The following HHIPL1 variants were observed in gnomAD, a reference collection of about 807,000 sequenced individuals.
HHIPL1 encodes HHIP-like protein 1.
Under a neutral mutation model 61.8 loss-of-function variants are expected in HHIPL1, and 43 were observed. The ratio of observed to expected loss-of-function variants is 0.70; its 90% CI spans 0.55 to 0.90. HHIPL1 has a LOEUF of 0.90. HHIPL1 is among the 40% of genes least tolerant of loss of function. The pLI is 0.00. For synonymous variants in HHIPL1, 482 were observed against 515.8 expected (o/e 0.93, Z 0.89); for missense variants, 1,056 against 1,157.7 (o/e 0.91, Z 1.28).
chr14:99,653,406 C>T (rs1344464468), intron 2 of HHIPL1, among the ~76,000 whole-genome samples: 1 of 152,184 alleles, frequency 6.6e-6, no homozygotes, highest in Non-Finnish European at 1.5e-5. Context: ...AATCGCAGCT[C>T]ACTGCAACCT....
chr14:99,632,783 C>T, the HHIPL1 span, among the ~76,000 whole-genome samples: 1 of 152,200 alleles, frequency 6.6e-6, no homozygotes, highest in Non-Finnish European at 1.5e-5. Flanking sequence ...TCACCTCAGC[C>T]TATCACGTCC....
chr14:99,647,524 C>G (rs2055860838), intron 1 of HHIPL1, among the ~76,000 whole-genome samples: 1 of 152,224 alleles, frequency 6.6e-6, no homozygotes, highest in African/African-American at 2.4e-5. Context: ...CCCAGGACAG[C>G]CTGGCTTTAA....
chr14:99,652,157 G>A lies in HHIPL1; in HGVS notation c.256-67G>A, dbSNP rs558128699. ...TGAGGCTCTGAGAGATGGGGGACCC[G>A]CCCAAGGTAACCTTGGGCTGGTAAG... On this transcript the variant is annotated intron_variant, in intron 1 of 8. Transcript: ENST00000330710. 56 of 1,473,234 alleles carry A rather than the reference G, an allele frequency of 3.8e-5. No individual in the cohort carries two copies. In the African/African-American group the frequency reaches 6.7e-4, roughly 18 times the overall value. The allele number at this position is 1,473,234 out of a possible 1,614,324, so 91.3% of individuals were successfully genotyped here.
intron 1 of HHIPL1, among the ~76,000 whole-genome samples, chr14:99,645,716 AC>A (rs1227706172): frequency 6.6e-6 from 1 of 152,208 alleles, no homozygotes; most frequent in Non-Finnish European, 1.5e-5. Flanking sequence ...GGAAGGACGG[AC>A]GGACGGACAG....
rs376144066 is a variant in HHIPL1, at chr14:99,648,895, C to T, written c.256-3329C>T. ...CTTCAGGACCCAGGGCCATGAGTCACGAGTGTCAGTGACATGGGGGTGGCA... is the reference window on the plus strand; with the variant it reads ...CTTCAGGACCCAGGGCCATGAGTCATGAGTGTCAGTGACATGGGGGTGGCA... On this transcript the variant is annotated intron_variant, in intron 1 of 8. Transcript: ENST00000330710. Among the ~76,000 whole-genome samples, 11 of 152,308 alleles carry T rather than the reference C, an allele frequency of 7.2e-5. No individual in the cohort carries two copies. In the East Asian group the frequency reaches 1.9e-3, roughly 27 times the overall value.
chr14:99,657,758 T>G (rs2056073605), intron 3 of HHIPL1, among the ~76,000 whole-genome samples: 1 of 150,352 alleles, frequency 6.7e-6, no homozygotes, highest in African/African-American at 2.5e-5. Flanking sequence ...CAAACACACA[T>G]ACACACATGC....
At chr14:99,639,117 C>T in the HHIPL1 span, among the ~76,000 whole-genome samples, 2 of 152,282 alleles carry the variant, frequency 1.3e-5, no homozygotes, top group African/African-American at 2.4e-5. Context: ...CAGCCGGGCC[C>T]CTGCCTTCAG....
At chr14:99,631,460 A>C in the HHIPL1 span, among the ~76,000 whole-genome samples, 1 of 151,328 alleles carries the variant, frequency 6.6e-6, no homozygotes, top group Middle Eastern at 3.2e-3. Context: ...TCAGCCCGTA[A>C]CTGATCCCCT....
At chr14:99,610,018 C>T in the HHIPL1 span, among the ~76,000 whole-genome samples, 1 of 152,176 alleles carries the variant, frequency 6.6e-6, no homozygotes, top group African/African-American at 2.4e-5. Context: ...GAGCCAGAGC[C>T]AAGTGTGATG....
chr14:99,656,799 G>A (rs868700582), intron 2 of HHIPL1, among the ~76,000 whole-genome samples: 1 of 14,628 alleles, frequency 6.8e-5, no homozygotes, highest in Non-Finnish European at 1.2e-4. Context: ...AAGAAAGAAA[G>A]AAAGAAAGAA....
the HHIPL1 span, among the ~76,000 whole-genome samples, chr14:99,605,128 C>T: frequency 2.0e-5 from 3 of 152,208 alleles, no homozygotes; most frequent in Non-Finnish European, 2.9e-5. Flanking sequence ...TCCACCTCCG[C>T]TCACTCGACC....
chr14:99,666,029 G>A (rs1259695412), intron 6 of HHIPL1, among the ~76,000 whole-genome samples: 11 of 152,104 alleles, frequency 7.2e-5, no homozygotes, highest in African/African-American at 2.4e-4. Flanking sequence ...TGATCTGCCC[G>A]CCTTGGCCTT....
the HHIPL1 span, among the ~76,000 whole-genome samples, chr14:99,632,817 C>T: frequency 2.1e-4 from 32 of 152,170 alleles, no homozygotes; most frequent in African/African-American, 7.2e-4. Flanking sequence ...GTCAGTCATG[C>T]GATTTCTTCT....
chr14:99,665,507 C>G (rs1435934869), intron 6 of HHIPL1, among the ~76,000 whole-genome samples: 1 of 152,242 alleles, frequency 6.6e-6, no homozygotes, highest in African/African-American at 2.4e-5. Context: ...GTGGCGCCAT[C>G]ATGGCTTACT....
chr14:99,637,189 G>GAAGAAAGGAAGAAAGAAAGA, the HHIPL1 span, among the ~76,000 whole-genome samples: 7 of 78,452 alleles, frequency 8.9e-5, no homozygotes, highest in East Asian at 3.8e-4. Flanking sequence ...AGAAAGAATG[G>GAAGAAAGGAAGAAAGAAAGA]AAGAAAGAAA....
At chr14:99,638,604 C>T in the HHIPL1 span, among the ~76,000 whole-genome samples, 1 of 152,322 alleles carries the variant, frequency 6.6e-6, no homozygotes, top group East Asian at 1.9e-4. Context: ...CAGCAAAGGC[C>T]TGGTCTCACC....
Position 99,675,838 on chromosome 14 carries a change from G to T in HHIPL1, c.*212G>T. 2.1e-6 allele frequency: 1 copy of T among 465,588 alleles called. No individual in the cohort carries two copies. Among genetic ancestry groups the T allele is most frequent in the South Asian group, 4.9e-5 (1 of 20,590 alleles). The allele number at this position is 465,588 out of a possible 1,614,324, so 28.8% of individuals were successfully genotyped here. A position where few individuals can be genotyped will look rare whatever the true frequency, so the allele number is the denominator to read the frequency against. On this transcript the variant is annotated 3_prime_UTR_variant, in exon 9 of 9. Coordinates refer to ENST00000330710, the MANE Select transcript of HHIPL1 (RefSeq NM_001127258.3). This position sits in a 1 kb window ranked among gnomAD's most constrained non-coding sequence, Gnocchi z 5.4. ...TGTGTTGGGGGCGGTGTGGGCTCTG[G>T]AAGTGCATGGTCCATCATGGGCGGG...
chr14:99,658,623 A>C (rs1388490589), intron 3 of HHIPL1, among the ~76,000 whole-genome samples: 1 of 152,194 alleles, frequency 6.6e-6, no homozygotes, highest in Non-Finnish European at 1.5e-5. Flanking sequence ...TGCATCAGAA[A>C]TCACCGCTGA....
the HHIPL1 span, among the ~76,000 whole-genome samples, chr14:99,632,789 C>T: frequency 3.1e-3 from 474 of 152,294 alleles, 2 homozygotes; most frequent in African/African-American, 0.011. Context: ...CAGCCTATCA[C>T]GTCCTTTGGA....
Sources: gnomAD v4.1 joint callset for allele counts (sites outside exome capture counted in the v4.1 genomes callset) on GRCh38, gnomAD v4.1.1 for gene constraint, Gnocchi (gnomAD v3.1) non-coding constraint, MANE v1.5 for transcripts, NCBI Gene and HGNC (gene_info 2026-07-23, HGNC 2026-07-21) for gene names.